MAN1A1: variants seen among roughly 807,000 people sequenced by gnomAD.
MAN1A1 encodes the protein mannosidase alpha class 1A member 1, also known as mannosyl-oligosaccharide 1,2-alpha-mannosidase IA.
In MAN1A1, 29 loss-of-function variants were observed where a neutral mutation model predicts 70.8. That is an observed-to-expected ratio of 0.41 (90% CI 0.31 to 0.56). The LOEUF is 0.56. MAN1A1 is among the 20% of genes least tolerant of loss of function. The probability of loss-of-function intolerance (pLI) is 0.29; values close to 1 mark genes in which losing one functional copy is unlikely to be tolerated. For missense variants in MAN1A1, 747 were observed against 841.3 expected, an observed-to-expected ratio of 0.89 and a Z score of 1.39; for synonymous variants, 349 against 330.1, an observed-to-expected ratio of 1.06 and a Z score of -0.62.
chr6:119,225,839 G>T (rs1235482971), intron 6 of MAN1A1, among the ~76,000 whole-genome samples: 1 of 152,172 alleles, frequency 6.6e-6, no homozygotes, highest in African/African-American at 2.4e-5. Context: ...TGAAAGGGAA[G>T]TATTTTTGGA....
intron 2 of MAN1A1, among the ~76,000 whole-genome samples, chr6:119,330,297 C>G (rs1773273782): frequency 6.6e-6 from 1 of 152,070 alleles, no homozygotes; most frequent in Admixed American, 6.6e-5. Flanking sequence ...CATCCATTAC[C>G]CCTCTCCACT....
intron 6 of MAN1A1, among the ~76,000 whole-genome samples, chr6:119,227,745 A>G (rs1259884135): frequency 1.3e-5 from 2 of 152,224 alleles, no homozygotes; most frequent in Non-Finnish European, 2.9e-5. Flanking sequence ...CTGTGATTAC[A>G]GGCATGTGTC....
intron 11 of MAN1A1, among the ~76,000 whole-genome samples, chr6:119,186,126 T>C (rs1293436363): frequency 6.6e-6 from 1 of 152,124 alleles, no homozygotes; most frequent in African/African-American, 2.4e-5. Flanking sequence ...CTGTAAATTG[T>C]GGCTTCAAAA....
chr6:119,221,125 T>C (rs986492848), intron 6 of MAN1A1, among the ~76,000 whole-genome samples: 6 of 150,892 alleles, frequency 4.0e-5, no homozygotes, highest in African/African-American at 1.5e-4. Flanking sequence ...TCTGAAAAAA[T>C]TTCTGAGCAT....
chr6:119,194,976 G>A (rs1773531512), intron 8 of MAN1A1, among the ~76,000 whole-genome samples: 1 of 151,928 alleles, frequency 6.6e-6, no homozygotes, highest in South Asian at 2.1e-4. Context: ...GGGATTACAG[G>A]AGCCCACCAC....
At chr6:119,247,173 AT>A (rs1775189539) in intron 6 of MAN1A1, among the ~76,000 whole-genome samples, 1 of 152,222 alleles carries the variant, frequency 6.6e-6, no homozygotes, top group Non-Finnish European at 1.5e-5. Context: ...TTAGGAAGAA[AT>A]GTGCATTAAT....
intron 2 of MAN1A1, among the ~76,000 whole-genome samples, chr6:119,318,621 C>G (rs189340359): frequency 6.6e-6 from 1 of 152,252 alleles, no homozygotes; most frequent in Admixed American, 6.5e-5. Flanking sequence ...AAACCAACTT[C>G]CAATCTTTCT....
At chr6:119,248,063 C>A (rs1484359696) in intron 6 of MAN1A1, among the ~76,000 whole-genome samples, 197 bp downstream of exon 6, 3 of 152,130 alleles carry the variant, frequency 2.0e-5, no homozygotes, top group Non-Finnish European at 2.9e-5. Flanking sequence ...CACGCCATCC[C>A]ACAATGGGGA....
At position 119,290,713 on chromosome 6, in the gene MAN1A1, T is replaced by C. The variant is rs748688045; in HGVS notation, c.867A>G (p.Leu289=). ...FEVNIRFVGG[L]LSAYYLSGEE... is the part of the protein sequence containing the mutation. ...CTCCAGACAGATAGTAGGCTGAGAG[T>C]AGTCCACCAACAAAGCGTATATTTA... Residue 289 remains leucine, a synonymous_variant, in exon 5 of 13, where the codon CTA becomes CTG. Transcript: ENST00000368468. The C allele has an allele frequency of 1.2e-6, 2 of 1,610,974 alleles. No individual in the cohort carries two copies. The highest frequency in any genetic ancestry group is 1.3e-5 in the African/African-American group (1 of 74,692).
intron 9 of MAN1A1, 49 bp downstream of exon 9, chr6:119,193,728 A>G (rs750026821): frequency 3.8e-6 from 5 of 1,300,338 alleles, no homozygotes; most frequent in Non-Finnish European, 5.5e-6. Context: ...TTAATATACA[A>G]ATTATAAGTT....
chr6:119,200,331 G>A (rs1384648496), intron 8 of MAN1A1, among the ~76,000 whole-genome samples: 1 of 152,108 alleles, frequency 6.6e-6, no homozygotes, highest in Non-Finnish European at 1.5e-5. Context: ...TTAGGTAAGT[G>A]GTAACCTTGA....
intron 6 of MAN1A1, among the ~76,000 whole-genome samples, chr6:119,245,823 C>T (rs986355311): frequency 1.3e-5 from 2 of 152,096 alleles, no homozygotes; most frequent in Non-Finnish European, 2.9e-5. Flanking sequence ...TTATTTTTCA[C>T]CACATGCAAT....
At chr6:119,248,430 A>C (rs1359518617) in intron 5 of MAN1A1, 76 bp from the exon 6 acceptor site, 1 of 752,192 alleles carries the variant, frequency 1.3e-6, no homozygotes, top group Non-Finnish European at 2.3e-6. Flanking sequence ...TCTAATAGTT[A>C]CCACTTTTCT....
At chr6:119,322,823 A>C (rs1364462099) in intron 2 of MAN1A1, among the ~76,000 whole-genome samples, 1 of 152,202 alleles carries the variant, frequency 6.6e-6, no homozygotes, top group African/African-American at 2.4e-5. Context: ...TGTGGGTAAC[A>C]ATCATTTCAA....
intron 5 of MAN1A1, among the ~76,000 whole-genome samples, chr6:119,258,647 T>A (rs1562214054): frequency 1.3e-5 from 2 of 152,184 alleles, no homozygotes; most frequent in Admixed American, 1.3e-4. Context: ...CCCTGACATA[T>A]TTTAGTTATG....
chr6:119,330,551 G>A (rs1773281313), intron 2 of MAN1A1, among the ~76,000 whole-genome samples: 1 of 152,024 alleles, frequency 6.6e-6, no homozygotes, highest in Admixed American at 6.6e-5. Context: ...CACATGTCCT[G>A]GACTCCAGTC....
intron 2 of MAN1A1, among the ~76,000 whole-genome samples, chr6:119,338,069 TAAAAA>T (rs61463278): frequency 7.2e-6 from 1 of 139,750 alleles, no homozygotes; most frequent in Non-Finnish European, 1.6e-5. Flanking sequence ...GCTAGTTGAC[TAAAAA>T]AAAAAAAAAA....
chr6:119,304,901 T>C (rs1001368220), intron 3 of MAN1A1, among the ~76,000 whole-genome samples: 7 of 152,114 alleles, frequency 4.6e-5, no homozygotes, highest in Non-Finnish European at 7.3e-5. Flanking sequence ...GGACTACATA[T>C]TACACAGATA....
chr6:119,204,223 T>C (rs1230772628), intron 7 of MAN1A1, among the ~76,000 whole-genome samples: 3 of 152,174 alleles, frequency 2.0e-5, no homozygotes, highest in African/African-American at 7.2e-5. Context: ...GGAAAAGTCC[T>C]ACTGGAGCAG....
Sources: gnomAD v4.1 joint callset for allele counts (sites outside exome capture counted in the v4.1 genomes callset) on GRCh38, gnomAD v4.1.1 for gene constraint, MANE v1.5 for transcripts, NCBI Gene and HGNC (gene_info 2026-07-23, HGNC 2026-07-21) for gene names.